RBFOX2: variants seen among roughly 807,000 people sequenced by gnomAD.
RBFOX2 encodes the protein RNA binding protein fox-1 homolog 2.
A neutral mutation model predicts 49.1 loss-of-function variants in RBFOX2; 10 were observed. The ratio of observed to expected loss-of-function variants is 0.20; its 90% CI spans 0.13 to 0.35. RBFOX2 has a LOEUF of 0.35. Ranked by LOEUF, RBFOX2 falls within the 10% of genes least tolerant of loss-of-function variation. RBFOX2 has a pLI of 1.00. For missense variants in RBFOX2, 323 were observed against 486.9 expected, an observed-to-expected ratio of 0.66 and a Z score of 3.17; for synonymous variants, 183 against 187.4, an observed-to-expected ratio of 0.98 and a Z score of 0.19.
At chr22:35,915,418 C>A (rs990875966) in intron 1 of RBFOX2, among the ~76,000 whole-genome samples, 3 of 152,180 alleles carry the variant, frequency 2.0e-5, no homozygotes, top group African/African-American at 7.2e-5. Flanking sequence ...TTACCCCAAA[C>A]AACTCTTTTT....
intron 1 of RBFOX2, among the ~76,000 whole-genome samples, chr22:35,974,908 C>T (rs145832259): frequency 6.6e-6 from 1 of 152,248 alleles, no homozygotes; most frequent in East Asian, 1.9e-4. Context: ...CTTCTCTCCC[C>T]AGCCATTCAA....
At chr22:36,004,494 C>A (rs1267833619) in intron 1 of RBFOX2, among the ~76,000 whole-genome samples, 1 of 152,152 alleles carries the variant, frequency 6.6e-6, no homozygotes, top group Non-Finnish European at 1.5e-5. Context: ...CTTCCAAGTA[C>A]TGTCTGATAG....
At chr22:35,840,328 T>C (rs1958518538) in exon 1 of RBFOX2, 5 of 1,552,886 alleles carry the variant, frequency 3.2e-6, no homozygotes, top group Non-Finnish European at 4.4e-6. Flanking sequence ...TAAGGGTGGG[T>C]AATTGATCTC....
chr22:36,009,428 C>T (rs1175121069), intron 1 of RBFOX2, among the ~76,000 whole-genome samples: 1 of 152,174 alleles, frequency 6.6e-6, no homozygotes, highest in African/African-American at 2.4e-5. Flanking sequence ...GCCTGGAGTA[C>T]AGTGGTGCAA....
chr22:35,758,986 A>T (rs1157489747), intron 9 of RBFOX2, among the ~76,000 whole-genome samples: 1 of 152,228 alleles, frequency 6.6e-6, no homozygotes, highest in African/African-American at 2.4e-5. Context: ...TACAAAAAAA[A>T]ATATGTCATA....
chr22:35,892,011 TTCAAAGATACCC>T (rs2047305408), intron 1 of RBFOX2, among the ~76,000 whole-genome samples: 1 of 152,194 alleles, frequency 6.6e-6, no homozygotes, highest in Non-Finnish European at 1.5e-5. Context: ...CCTAGATGAA[TTCAAAGATACCC>T]TCAACGTGAT....
At chr22:35,934,504 C>T (rs1395342814) in intron 1 of RBFOX2, among the ~76,000 whole-genome samples, 1 of 152,094 alleles carries the variant, frequency 6.6e-6, no homozygotes, top group Non-Finnish European at 1.5e-5. Flanking sequence ...ATTGGCATCA[C>T]TTTTTATTCT....
intron 1 of RBFOX2, among the ~76,000 whole-genome samples, chr22:35,961,110 GATT>G (rs1357221438): frequency 6.6e-6 from 1 of 152,104 alleles, no homozygotes; most frequent in Non-Finnish European, 1.5e-5. Flanking sequence ...ATTCTTTTCA[GATT>G]ATTTTTAAGT....
chr22:35,753,224 T>C (rs549609583), intron 9 of RBFOX2, among the ~76,000 whole-genome samples: 1 of 152,372 alleles, frequency 6.6e-6, no homozygotes, highest in Admixed American at 6.5e-5. Flanking sequence ...AAATGTATGC[T>C]GACAGATTTC....
rs566662362 is a variant in RBFOX2 at position 35,983,674 on chromosome 22, A to G, written c.186+44566T>C. ...CTAGATCATCAAATCCTGGATGGCA[A>G]GACCTGTATCTAATTTGTCTCCAGT... On this transcript the variant is annotated intron_variant, in intron 1 of 13. Coordinates refer to the RBFOX2 transcript ENST00000438146. 2.6e-5 allele frequency among the ~76,000 whole-genome samples: 4 copies of G among 152,340 alleles called. No individual in the cohort carries two copies. In the South Asian group the frequency reaches 8.3e-4, roughly 32 times the overall value.
intron 1 of RBFOX2, among the ~76,000 whole-genome samples, chr22:35,925,473 C>A (rs560884291): frequency 6.6e-6 from 1 of 152,096 alleles, no homozygotes; most frequent in Non-Finnish European, 1.5e-5. Flanking sequence ...GTTCGAGGCT[C>A]CGCCACTGCA....
chr22:35,898,062 A>G, intron 1 of RBFOX2: 1 of 730,958 alleles, frequency 1.4e-6, no homozygotes, highest in Admixed American at 1.8e-5. Context: ...GTCAGATAGA[A>G]TCTTTATCTC....
intron 1 of RBFOX2, among the ~76,000 whole-genome samples, chr22:35,832,260 C>T (rs1393458299): frequency 6.6e-6 from 1 of 151,948 alleles, no homozygotes; most frequent in Non-Finnish European, 1.5e-5. Context: ...GTAGTCCCAG[C>T]TACTTGGGAG....
chr22:35,876,408 C>T (rs914774854), intron 1 of RBFOX2, among the ~76,000 whole-genome samples: 2 of 151,118 alleles, frequency 1.3e-5, no homozygotes, highest in Non-Finnish European at 2.9e-5. Flanking sequence ...GAAATGTGCT[C>T]GGAAAAAAAG....
chr22:35,766,876 G>A (rs1941127149), intron 5 of RBFOX2, among the ~76,000 whole-genome samples: 3 of 152,114 alleles, frequency 2.0e-5, no homozygotes. Flanking sequence ...GCGTGTAACT[G>A]AAGGGATGGG....
intron 1 of RBFOX2, among the ~76,000 whole-genome samples, chr22:35,901,519 A>C (rs1400799443): frequency 1.6e-4 from 24 of 152,076 alleles, no homozygotes; most frequent in African/African-American, 5.6e-4. Flanking sequence ...AACGACAGAG[A>C]TAGGGTTTGG....
intron 1 of RBFOX2, among the ~76,000 whole-genome samples, chr22:36,011,924 A>G (rs2058836567): frequency 6.6e-6 from 1 of 152,210 alleles, no homozygotes; most frequent in Non-Finnish European, 1.5e-5. Flanking sequence ...CTGTCTATAA[A>G]AATGAGTATA....
chr22:35,816,271 T>C (rs1197939333), intron 1 of RBFOX2, among the ~76,000 whole-genome samples: 1 of 152,194 alleles, frequency 6.6e-6, no homozygotes, highest in Non-Finnish European at 1.5e-5. Flanking sequence ...TTTTGTTTTG[T>C]TTTGTTTTTA....
intron 1 of RBFOX2, among the ~76,000 whole-genome samples, chr22:35,857,982 C>T (rs2042695749): frequency 6.6e-6 from 1 of 151,940 alleles, no homozygotes; most frequent in African/African-American, 2.4e-5. Context: ...ATAACAATGC[C>T]AAGTAGAAAT....
Sources: gnomAD v4.1 joint callset for allele counts (sites outside exome capture counted in the v4.1 genomes callset) on GRCh38, gnomAD v4.1.1 for gene constraint, MANE v1.5 for transcripts, NCBI Gene and HGNC (gene_info 2026-07-23, HGNC 2026-07-21) for gene names.